PSAT1: variants seen among roughly 807,000 people sequenced by gnomAD.
PSAT1 encodes the protein phosphoserine aminotransferase 1, also known as phosphoserine aminotransferase.
PSAT1 carries 41 observed loss-of-function variants against 40.3 expected under a neutral mutation model. That is an observed-to-expected ratio of 1.02 (90% CI 0.79 to 1.32). The LOEUF (loss-of-function observed/expected upper bound fraction) is 1.32. Among genes scored for constraint, PSAT1 ranks in the 40% most tolerant of loss-of-function variants. The pLI is 0.00. For missense variants in PSAT1, 406 were observed against 455.8 expected, an observed-to-expected ratio of 0.89 and a Z score of 0.99; for synonymous variants, 147 against 170.5, an observed-to-expected ratio of 0.86 and a Z score of 1.07.
Position 78,297,146 on chromosome 9 carries a change from C to G in PSAT1, c.-65C>G. 2 of 1,507,900 alleles carry G rather than the reference C, an allele frequency of 1.3e-6. No homozygotes were observed. Among genetic ancestry groups the G allele is most frequent in the South Asian group, 2.4e-5 (2 of 84,192 alleles). 93.4% of individuals were successfully genotyped at this position (1,507,900 alleles called of 1,614,324 possible). ...GGCTGCAGACTCTCACCGCAGCGGCCAGGAACGCCAGCCGTTCACGCGTTC... is the reference window on the plus strand; with the variant it reads ...GGCTGCAGACTCTCACCGCAGCGGCGAGGAACGCCAGCCGTTCACGCGTTC... On this transcript the variant is annotated 5_prime_UTR_variant, in exon 1 of 9. Coordinates refer to ENST00000376588, the MANE Select transcript of PSAT1 (RefSeq NM_058179.4).
intron 6 of PSAT1, among the ~76,000 whole-genome samples, chr9:78,316,073 C>T (rs901069712): frequency 5.9e-5 from 9 of 152,180 alleles, no homozygotes; most frequent in Non-Finnish European, 8.8e-5. Context: ...ACTGAGTACA[C>T]GTGGAGCCTT....
At chr9:78,327,955 C>A in intron 7 of PSAT1, 96 bp from the exon 8 acceptor site, 1 of 1,309,174 alleles carries the variant, frequency 7.6e-7, no homozygotes. Flanking sequence ...CTTCTGCTTG[C>A]ATCTAGGAAG....
At chr9:78,318,161 A>G (rs970367314) in intron 7 of PSAT1, among the ~76,000 whole-genome samples, 9 of 152,190 alleles carry the variant, frequency 5.9e-5, no homozygotes, top group African/African-American at 2.2e-4. Context: ...AAATGTGTCA[A>G]TTTAAGGACT....
intron 4 of PSAT1, 55 bp downstream of exon 4, chr9:78,304,995 AC>A: frequency 6.6e-7 from 1 of 1,504,484 alleles, no homozygotes; most frequent in Non-Finnish European, 9.2e-7. Context: ...GGTTACCCCG[AC>A]CCAGGGCAAT....
At chr9:78,314,481 A>G (rs1828312440) in intron 6 of PSAT1, among the ~76,000 whole-genome samples, 2 of 142,854 alleles carry the variant, frequency 1.4e-5, no homozygotes, top group South Asian at 5.0e-4. Flanking sequence ...AAGTAGAGTC[A>G]CAGGGGCTAG....
intron 7 of PSAT1, among the ~76,000 whole-genome samples, chr9:78,322,220 TATGTGGGTA>T (rs1828438626): frequency 6.6e-6 from 1 of 151,998 alleles, no homozygotes; most frequent in Non-Finnish European, 1.5e-5. Context: ...TTTATCACCT[TATGTGGGTA>T]CCAGGCCTTA....
intron 6 of PSAT1, among the ~76,000 whole-genome samples, chr9:78,309,888 A>C (rs1412005136): frequency 1.3e-5 from 2 of 152,230 alleles, no homozygotes; most frequent in East Asian, 1.9e-4. Flanking sequence ...TAGGCAAGTC[A>C]CTTAACATGT....
chr9:78,320,217 CCATT>C (rs938307258), intron 7 of PSAT1, among the ~76,000 whole-genome samples: 4 of 151,720 alleles, frequency 2.6e-5, no homozygotes, highest in Non-Finnish European at 5.9e-5. Flanking sequence ...ATCCACCCGC[CCATT>C]CATTCACCCA....
At chr9:78,324,080 C>T (rs1587647435) in intron 7 of PSAT1, among the ~76,000 whole-genome samples, 1 of 152,268 alleles carries the variant, frequency 6.6e-6, no homozygotes, top group Admixed American at 6.5e-5. Context: ...CTTGGAAAGT[C>T]CCGGTGTGTC....
Position 78,328,094 on chromosome 9 carries a change from T to C in PSAT1, c.913T>C (p.Phe305Leu). 2 of 1,611,498 alleles carry C rather than the reference T, an allele frequency of 1.2e-6. No homozygotes were observed. Among genetic ancestry groups the C allele is most frequent in the Non-Finnish European group, 1.7e-6 (2 of 1,179,142 alleles). Residue 305 changes from phenylalanine (F) to leucine (L), a missense_variant, in exon 8 of 9, where the codon TTC (phenylalanine) becomes CTC (leucine). Physicochemically the swap from Phe to Leu is conservative, Grantham distance 22. Transcript: ENST00000376588. Reference sequence around the variant, plus strand: ...AAATAGAAGCAAGATGAATATTCCATTCCGCATTGGCAATGCCAAAGGAGA... The same window carrying C: ...AAATAGAAGCAAGATGAATATTCCACTCCGCATTGGCAATGCCAAAGGAGA... ...PQNRSKMNIP[F>L]RIGNAKGDDA...
chr9:78,304,038 A>G (rs1287143756), intron 3 of PSAT1, among the ~76,000 whole-genome samples: 3 of 152,194 alleles, frequency 2.0e-5, no homozygotes, highest in Admixed American at 2.0e-4. Flanking sequence ...CTAAAACATT[A>G]TCGAAACCCC....
At chr9:78,317,591 T>C (rs1828365714) in intron 6 of PSAT1, 85 bp from the exon 7 acceptor site, 7 of 1,443,824 alleles carry the variant, frequency 4.8e-6, no homozygotes, top group Non-Finnish European at 6.8e-6. Context: ...TCTGTTTTAA[T>C]GCACCTTCAA....
In PSAT1 at chr9:78,317,781, T is replaced by C. The variant is rs1440876859; in HGVS notation, c.846T>C (p.Ile282=). The change falls in exon 7 of 9, where the codon ATT becomes ATC. Residue 282 remains isoleucine (I), a synonymous_variant. Transcript: ENST00000376588. Reference sequence around the variant, plus strand: ...AATCTCAAACAATTTATGAGATTATTGATAATTCTCAAGGATTCTACGTGT... The same window carrying C: ...AATCTCAAACAATTTATGAGATTATCGATAATTCTCAAGGATTCTACGTGT... ...SIKSQTIYEI[I]DNSQGFYVCP... 1 of 1,613,184 alleles carries C rather than the reference T, an allele frequency of 6.2e-7. No individual in the cohort carries two copies. Among genetic ancestry groups the C allele is most frequent in the East Asian group, 2.2e-5 (1 of 44,890 alleles).
intron 8 of PSAT1, among the ~76,000 whole-genome samples, chr9:78,328,520 TTATTATTCCAAC>T (rs144922009): frequency 0.025 from 3,752 of 152,320 alleles, 142 homozygotes; most frequent in African/African-American, 0.085. Context: ...TAGAGAATCA[TTATTATTCCAAC>T]TGAACATCAA....
chr9:78,325,351 C>T (rs1326072780), intron 7 of PSAT1, among the ~76,000 whole-genome samples: 3 of 152,144 alleles, frequency 2.0e-5, no homozygotes, highest in East Asian at 1.9e-4. Flanking sequence ...AAACACAGAC[C>T]GCATTTTGTT....
At chr9:78,322,489 T>A (rs576399224) in intron 7 of PSAT1, among the ~76,000 whole-genome samples, 13 of 152,116 alleles carry the variant, frequency 8.5e-5, no homozygotes, top group African/African-American at 3.1e-4. Context: ...TGTCCAGGAG[T>A]GCAGAAGGCC....
At chr9:78,300,424 G>A (rs908723761) in intron 1 of PSAT1, among the ~76,000 whole-genome samples, 178 bp from the exon 2 acceptor site, 4 of 152,156 alleles carry the variant, frequency 2.6e-5, no homozygotes, top group African/African-American at 9.7e-5. Flanking sequence ...TTGTGTGTAA[G>A]TTGCATAATC....
At chr9:78,319,768 A>G (rs1316489497) in intron 7 of PSAT1, among the ~76,000 whole-genome samples, 10 of 152,332 alleles carry the variant, frequency 6.6e-5, no homozygotes, top group African/African-American at 2.4e-4. Flanking sequence ...AAGTACTTTT[A>G]GAAAGGTTAG....
intron 3 of PSAT1, 62 bp downstream of exon 3, chr9:78,302,085 T>A: frequency 9.0e-7 from 1 of 1,113,118 alleles, no homozygotes; most frequent in Non-Finnish European, 1.4e-6. Flanking sequence ...TCTGGATGTC[T>A]TCCAGTATTT....
Sources: gnomAD v4.1 joint callset for allele counts (sites outside exome capture counted in the v4.1 genomes callset) on GRCh38, gnomAD v4.1.1 for gene constraint, MANE v1.5 for transcripts, NCBI Gene and HGNC (gene_info 2026-07-23, HGNC 2026-07-21) for gene names.